RABEP1: variants seen among roughly 807,000 people sequenced by gnomAD.
RABEP1 encodes rabaptin, RAB GTPase binding effector protein 1, also known as rab GTPase-binding effector protein 1.
A neutral mutation model predicts 123.4 loss-of-function variants in RABEP1; 51 were observed. The observed-to-expected ratio is 0.41, with a 90% CI of 0.33 to 0.52. The LOEUF is 0.52. Among genes scored for constraint, RABEP1 ranks in the 20% least tolerant of loss-of-function variants. The probability of loss-of-function intolerance (pLI) is 0.16; values close to 1 mark genes in which losing one functional copy is unlikely to be tolerated. For missense variants in RABEP1, 888 were observed against 996.3 expected, an observed-to-expected ratio of 0.89 and a Z score of 1.46; for synonymous variants, 347 against 355.2, an observed-to-expected ratio of 0.98 and a Z score of 0.26.
At chr17:5,367,809 A>G (rs911502088) in intron 11 of RABEP1, among the ~76,000 whole-genome samples, 4 of 149,804 alleles carry the variant, frequency 2.7e-5, no homozygotes, top group African/African-American at 4.9e-5. Flanking sequence ...AGGCTAGAGT[A>G]CAGGGTGCGT....
intron 4 of RABEP1, 121 bp downstream of exon 4, chr17:5,335,465 G>A (rs769915576): frequency 2.8e-5 from 24 of 857,642 alleles, no homozygotes; most frequent in Non-Finnish European, 4.1e-5. Flanking sequence ...TAATTATTTG[G>A]ACACAGACCT....
rs1911712701 is a variant in RABEP1, at chr17:5,383,831, C to T, written c.*608C>T. ...CTGAGAACCATAGGACTGTGGCAAA[C>T]AAAACCAATTCATGAAGTGAATTAA... On this transcript the variant is annotated 3_prime_UTR_variant, in exon 18 of 18. Transcript: ENST00000537505. The T allele has an allele frequency of 4.5e-6, 1 of 223,990 alleles. No homozygotes were observed. 13.9% of individuals were successfully genotyped at this position (223,990 alleles called of 1,614,324 possible).
chr17:5,371,414 C>T (rs1210327936), intron 12 of RABEP1: 1 of 152,234 alleles, frequency 6.6e-6, no homozygotes, highest in Non-Finnish European at 1.5e-5. Context: ...TCCACTCACT[C>T]TTATACGTAA....
In RABEP1 at chr17:5,383,258, G is replaced by C; in HGVS notation, c.*35G>C. The C allele has an allele frequency of 6.5e-7, 1 of 1,530,242 alleles. No homozygotes were observed. Among genetic ancestry groups the C allele is most frequent in the Non-Finnish European group, 9.1e-7 (1 of 1,104,260 alleles). The allele number at this position is 1,530,242 out of a possible 1,614,324, so 94.8% of individuals were successfully genotyped here. On this transcript the variant is annotated 3_prime_UTR_variant, in exon 18 of 18. Coordinates refer to ENST00000537505, the MANE Select transcript of RABEP1 (RefSeq NM_004703.6). ...GGCAGGATTCTAGCCTGCACTTTGG[G>C]TTTTTAACTCATCTTTAGAGCAACA...
In RABEP1 at chr17:5,383,669, T is replaced by C. The variant is rs1350770061; in HGVS notation, c.*446T>C. 1.3e-5 allele frequency: 3 copies of C among 234,744 alleles called. No homozygotes were observed. Among genetic ancestry groups the C allele is most frequent in the Admixed American group, 1.1e-4 (2 of 18,658 alleles). 14.5% of individuals were successfully genotyped at this position (234,744 alleles called of 1,614,324 possible). ...AGTATTCAGTTAGCAGACAGAAGTG[T>C]AGTATGCTGTATGAATATTTTATAT... On this transcript the variant is annotated 3_prime_UTR_variant, in exon 18 of 18. Transcript: ENST00000537505.
At chr17:5,350,657 G>A (rs748344270) in intron 7 of RABEP1, 28 bp downstream of exon 7, 65 of 1,610,012 alleles carry the variant, frequency 4.0e-5, no homozygotes, top group Non-Finnish European at 5.4e-5. Flanking sequence ...GGACTGATTT[G>A]CTTTGTCAGT....
At chr17:5,369,434 A>C (rs969858789) in intron 12 of RABEP1, among the ~76,000 whole-genome samples, 106 of 152,338 alleles carry the variant, frequency 7.0e-4, no homozygotes, top group African/African-American at 2.5e-3. Context: ...TTTAAAAATA[A>C]AAGCCTTGGG....
intron 6 of RABEP1, 60 bp from the exon 7 acceptor site, chr17:5,350,391 G>A (rs1007163400): frequency 9.2e-5 from 140 of 1,514,186 alleles, no homozygotes; most frequent in South Asian, 5.0e-5. Context: ...AAAAAAAAAA[G>A]AAATTGCCTA....
chr17:5,317,626 G>GATATATATATATAT (rs56165368), intron 2 of RABEP1, among the ~76,000 whole-genome samples: 1,729 of 149,286 alleles, frequency 0.012, 14 homozygotes, highest in Non-Finnish European at 0.014. Flanking sequence ...TACTGGAAAG[G>GATATATATATATAT]ATATATATAT....
intron 2 of RABEP1, 103 bp from the exon 3 acceptor site, chr17:5,331,846 T>G: frequency 9.8e-7 from 1 of 1,025,208 alleles, no homozygotes; most frequent in Non-Finnish European, 1.4e-6. Flanking sequence ...AAGGGTGTCA[T>G]TTTGTATGTT....
chr17:5,348,608 T>G (rs953007228), intron 6 of RABEP1, among the ~76,000 whole-genome samples: 5 of 152,154 alleles, frequency 3.3e-5, no homozygotes, highest in African/African-American at 1.2e-4. Flanking sequence ...TCGCCCAGGC[T>G]GGAGTGCAGT....
At chr17:5,346,378 G>A (rs1209136706) in intron 5 of RABEP1, among the ~76,000 whole-genome samples, 1 of 152,136 alleles carries the variant, frequency 6.6e-6, no homozygotes, top group Non-Finnish European at 1.5e-5. Context: ...GAAGTAAAAG[G>A]AAAGCAAACT....
At chr17:5,305,709 A>G (rs889634972) in intron 1 of RABEP1, among the ~76,000 whole-genome samples, 3 of 152,176 alleles carry the variant, frequency 2.0e-5, no homozygotes, top group African/African-American at 7.2e-5. Context: ...TGTTAAGTGG[A>G]AAAGTTGTTT....
intron 2 of RABEP1, among the ~76,000 whole-genome samples, chr17:5,324,183 A>AT (rs1905733925): frequency 6.6e-6 from 1 of 152,168 alleles, no homozygotes; most frequent in South Asian, 2.1e-4. Context: ...TAACATTAAA[A>AT]TTTACTACAA....
chr17:5,331,075 C>G (rs1264073280), intron 2 of RABEP1, among the ~76,000 whole-genome samples: 1 of 122,474 alleles, frequency 8.2e-6, no homozygotes, highest in Admixed American at 9.9e-5. Flanking sequence ...CAGCGGCTGA[C>G]TGGGAAAAGT....
intron 1 of RABEP1, among the ~76,000 whole-genome samples, chr17:5,295,517 C>T (rs960026284): frequency 4.6e-5 from 7 of 151,708 alleles, no homozygotes; most frequent in Admixed American, 1.3e-4. Context: ...AAGGACACTG[C>T]GGCAAACATC....
intron 12 of RABEP1, among the ~76,000 whole-genome samples, chr17:5,368,736 C>A (rs867956455): frequency 3.9e-5 from 6 of 152,110 alleles, no homozygotes; most frequent in African/African-American, 1.4e-4. Flanking sequence ...AAACTATGGA[C>A]CTAATTTAAT....
Position 5,326,073 on chromosome 17 carries a change from G to T in RABEP1, c.164-5876G>T, listed in dbSNP as rs892533664. 1.8e-4 allele frequency among the ~76,000 whole-genome samples: 27 copies of T among 152,280 alleles called. 1 individual carries two copies. The highest frequency in any genetic ancestry group is 1.8e-4 in the Non-Finnish European group (12 of 68,028). ...ATGCAAAATGACGTAGCCACTTTGG[G>T]ATGTAAGTTTAGTGCTTTCTTACAA... On this transcript the variant is annotated intron_variant, in intron 2 of 17. Coordinates refer to ENST00000537505, the MANE Select transcript of RABEP1 (RefSeq NM_004703.6).
At chr17:5,288,828 C>CAA (rs1240635847) in intron 1 of RABEP1, among the ~76,000 whole-genome samples, 2 of 152,138 alleles carry the variant, frequency 1.3e-5, no homozygotes, top group Non-Finnish European at 2.9e-5. Context: ...CTCAGCCCCT[C>CAA]AAGTAGCTGG....
Sources: allele counts gnomAD v4.1 joint callset (sites outside exome capture counted in the v4.1 genomes callset), GRCh38; gene constraint gnomAD v4.1.1; transcripts MANE v1.5; gene names NCBI Gene and HGNC (gene_info 2026-07-23, HGNC 2026-07-21).